TBC1D22A: variants seen among roughly 807,000 people sequenced by gnomAD.
TBC1D22A encodes TBC1 domain family member 22A, also known as putative GTPase activator.
In TBC1D22A, 38 loss-of-function variants were observed where a neutral mutation model predicts 60.2. The observed-to-expected ratio is 0.63, with a 90% CI of 0.49 to 0.83. The LOEUF (loss-of-function observed/expected upper bound fraction) is 0.83. TBC1D22A is among the 40% of genes least tolerant of loss of function. The probability of loss-of-function intolerance (pLI) is 0.00; values close to 1 mark genes in which losing one functional copy is unlikely to be tolerated. For synonymous variants in TBC1D22A, 302 were observed against 281.7 expected (o/e 1.07, Z -0.72); for missense variants, 628 against 701.0 (o/e 0.90, Z 1.18).
intron 12 of TBC1D22A, among the ~76,000 whole-genome samples, chr22:47,166,798 G>T (rs188543915): frequency 6.6e-6 from 1 of 152,262 alleles, no homozygotes; most frequent in South Asian, 2.1e-4. Flanking sequence ...GGCATGAAGG[G>T]CCTGGACCTC....
chr22:46,782,677 C>T (rs1267706319), intron 1 of TBC1D22A, among the ~76,000 whole-genome samples: 1 of 152,212 alleles, frequency 6.6e-6, no homozygotes, highest in Non-Finnish European at 1.5e-5. Flanking sequence ...CATGGGGCTG[C>T]TATCTGGCTT....
intron 7 of TBC1D22A, 21 bp from the exon 8 acceptor site, chr22:46,912,053 A>G: frequency 6.3e-7 from 1 of 1,581,942 alleles, no homozygotes; most frequent in African/African-American, 1.3e-5. Flanking sequence ...TTGCTTTACC[A>G]CCTGTTCCAT....
chr22:47,122,089 T>C (rs1463864696), intron 12 of TBC1D22A, among the ~76,000 whole-genome samples: 2 of 152,300 alleles, frequency 1.3e-5, no homozygotes, highest in African/African-American at 2.4e-5. Context: ...GCCCTGCTCG[T>C]CTGGTGGAGA....
intron 1 of TBC1D22A, among the ~76,000 whole-genome samples, chr22:46,766,233 G>C (rs776396998): frequency 5.5e-4 from 83 of 152,046 alleles, no homozygotes; most frequent in Admixed American, 5.2e-4. Flanking sequence ...TCCTGACCTT[G>C]TGATCCTCCT....
At chr22:47,092,162 G>A (rs1190695004) in intron 11 of TBC1D22A, among the ~76,000 whole-genome samples, 1 of 152,188 alleles carries the variant, frequency 6.6e-6, no homozygotes, top group East Asian at 1.9e-4. Context: ...CTGTGTCTCA[G>A]CTGTGCACTG....
At chr22:47,043,314 G>T (rs1040740623) in intron 11 of TBC1D22A, among the ~76,000 whole-genome samples, 1 of 152,302 alleles carries the variant, frequency 6.6e-6, no homozygotes, top group South Asian at 2.1e-4. Flanking sequence ...CAGAGCAGGC[G>T]AAGGGTGTGG....
At chr22:46,929,624 C>T (rs7291004) in intron 8 of TBC1D22A, among the ~76,000 whole-genome samples, 6,542 of 152,222 alleles carry the variant, frequency 0.043, 211 homozygotes, top group African/African-American at 0.091. Flanking sequence ...ATACACTCTC[C>T]AGTACTGACA....
rs553399715 is a variant in TBC1D22A, at chr22:47,141,612, C to T, written c.1425+30009C>T. Among the ~76,000 whole-genome samples, 3 of 152,304 alleles carry T rather than the reference C, an allele frequency of 2.0e-5. No individual in the cohort carries two copies. In the East Asian group the frequency reaches 5.8e-4, roughly 29 times the overall value. On this transcript the variant is annotated intron_variant, in intron 12 of 12. Transcript: ENST00000337137. Reference sequence around the variant, plus strand: ...TGCCCTGACTTTCCTCCATGTCTTCCGGAAGGCCCTCCCAACTGCCTCACT... The same window carrying T: ...TGCCCTGACTTTCCTCCATGTCTTCTGGAAGGCCCTCCCAACTGCCTCACT...
Position 47,021,548 on chromosome 22 carries a change from C to G in TBC1D22A, c.1202-15523C>G. ...CAGAACCCCACCTGTCACCTGGAGT[C>G]CTGAGCAGGGAACCAGGCAGAACCT... On this transcript the variant is annotated intron_variant, in intron 10 of 12. Transcript: ENST00000337137. 2.6e-5 allele frequency among the ~76,000 whole-genome samples: 4 copies of G among 151,130 alleles called. No homozygotes were observed. The Middle Eastern group carries it at 0.011, about 399-fold the overall frequency.
chr22:46,910,184 T>TCTCTCAGGTGCCTGCA (rs2069810520), intron 7 of TBC1D22A, among the ~76,000 whole-genome samples: 2 of 152,330 alleles, frequency 1.3e-5, no homozygotes, highest in African/African-American at 4.8e-5. Flanking sequence ...AGGTGCCTGC[T>TCTCTCAGGTGCCTGCA]GTGTTAGGTG....
At chr22:46,785,125 G>A (rs2084103986) in intron 1 of TBC1D22A, among the ~76,000 whole-genome samples, 1 of 152,162 alleles carries the variant, frequency 6.6e-6, no homozygotes, top group Admixed American at 6.5e-5. Context: ...GGGTTTGTGG[G>A]TCAGAAATTC....
At chr22:46,943,082 C>T (rs904620071) in intron 8 of TBC1D22A, among the ~76,000 whole-genome samples, 27 of 152,114 alleles carry the variant, frequency 1.8e-4, no homozygotes, top group African/African-American at 5.8e-4. Flanking sequence ...CAGAGGACTT[C>T]CGCAGGTGTC....
chr22:46,938,246 C>T (rs2071774599), intron 8 of TBC1D22A, among the ~76,000 whole-genome samples: 1 of 152,174 alleles, frequency 6.6e-6, no homozygotes, highest in African/African-American at 2.4e-5. Flanking sequence ...TGTACCTTTT[C>T]TGTGTTTAGA....
intron 12 of TBC1D22A, among the ~76,000 whole-genome samples, chr22:47,159,625 A>G (rs1234153671): frequency 1.3e-5 from 2 of 151,908 alleles, no homozygotes; most frequent in Non-Finnish European, 2.9e-5. Context: ...CTATACACAC[A>G]CACCACACAT....
chr22:46,803,846 A>G (rs1001823699), intron 4 of TBC1D22A, among the ~76,000 whole-genome samples: 2 of 152,180 alleles, frequency 1.3e-5, no homozygotes, highest in African/African-American at 4.8e-5. Flanking sequence ...CCTTCTGTGC[A>G]TGCACTGGCC....
intron 10 of TBC1D22A, among the ~76,000 whole-genome samples, chr22:47,015,570 A>T (rs147585337): frequency 2.0e-5 from 3 of 152,172 alleles, no homozygotes; most frequent in Non-Finnish European, 4.4e-5. Context: ...CTCCAGAAGG[A>T]ATTGTTTCTT....
intron 11 of TBC1D22A, among the ~76,000 whole-genome samples, chr22:47,106,989 A>G (rs534416788): frequency 1.4e-4 from 22 of 152,342 alleles, no homozygotes; most frequent in African/African-American, 4.6e-4. Flanking sequence ...TCTGGAAACC[A>G]TGAGTACATA....
rs1259448560 is a variant in TBC1D22A, at chr22:46,865,108, C to T, written c.638-13545C>T. The stretch of plus-strand genomic sequence containing the variant: ...ATCCATCTCCCAACCTCCATTGGCT[C>T]CTCAGCACCTGTGTGTATAAATCCA... On this transcript the variant is annotated intron_variant, in intron 4 of 12. Transcript: ENST00000337137. 5.3e-5 allele frequency among the ~76,000 whole-genome samples: 8 copies of T among 152,304 alleles called. No homozygotes were observed. In the East Asian group the frequency reaches 1.4e-3, roughly 26 times the overall value.
intron 10 of TBC1D22A, among the ~76,000 whole-genome samples, chr22:47,027,939 G>C (rs986688360): frequency 9.9e-5 from 15 of 152,204 alleles, no homozygotes; most frequent in Non-Finnish European, 1.5e-5. Flanking sequence ...TTCCCTGGCC[G>C]TGGAGCACAG....
Sources: gnomAD v4.1 joint callset for allele counts (sites outside exome capture counted in the v4.1 genomes callset) on GRCh38, gnomAD v4.1.1 for gene constraint, MANE v1.5 for transcripts, NCBI Gene and HGNC (gene_info 2026-07-23, HGNC 2026-07-21) for gene names.